The following UBA6 variants were observed in gnomAD, a reference collection of about 807,000 sequenced individuals.
UBA6 encodes ubiquitin-like modifier-activating enzyme 6.
UBA6 carries 87 observed loss-of-function variants against 148.3 expected under a neutral mutation model. That is an observed-to-expected ratio of 0.59 (90% confidence interval 0.49 to 0.70). UBA6 has a LOEUF of 0.70. Ranked by LOEUF, UBA6 falls within the 30% of genes least tolerant of loss-of-function variation. UBA6 has a pLI of 0.00. For synonymous variants in UBA6, 376 were observed against 401.0 expected (o/e 0.94, Z 0.75); for missense variants, 1,186 against 1,241.2 (o/e 0.96, Z 0.67).
intron 2 of UBA6, among the ~76,000 whole-genome samples, chr4:67,684,957 G>T (rs893723694): frequency 2.0e-5 from 3 of 152,104 alleles, no homozygotes; most frequent in African/African-American, 7.2e-5. Flanking sequence ...TAAGCACCTA[G>T]AATTAAGTAA....
chr4:67,678,350 A>T, intron 5 of UBA6, 89 bp downstream of exon 5: 5 of 745,064 alleles, frequency 6.7e-6, no homozygotes, highest in Non-Finnish European at 1.0e-5. Context: ...TATTTAAACA[A>T]CTATGACTGA....
In UBA6 at chr4:67,701,145, T is replaced by C; in HGVS notation, c.-26A>G. The C allele has an allele frequency of 3.7e-6, 6 of 1,609,004 alleles. No individual in the cohort carries two copies. Among genetic ancestry groups the C allele is most frequent in the Non-Finnish European group, 5.1e-6 (6 of 1,179,268 alleles). On this transcript the variant is annotated 5_prime_UTR_variant, in exon 1 of 33. Transcript: ENST00000322244. The stretch of plus-strand genomic sequence containing the variant: ...TGCCGCCTGAGACACCGCCGCCGGC[T>C]ACTGGAAGGTAGGAAGGGGCGGGAC...
At chr4:67,691,596 C>A (rs770336356) in intron 2 of UBA6, among the ~76,000 whole-genome samples, 4 of 152,132 alleles carry the variant, frequency 2.6e-5, no homozygotes, top group African/African-American at 9.7e-5. Context: ...GTTTAATGTG[C>A]AATACTGTAA....
At chr4:67,644,571 C>T in intron 17 of UBA6, 127 bp downstream of exon 17, 1 of 595,418 alleles carries the variant, frequency 1.7e-6, no homozygotes, top group Admixed American at 2.9e-5. Context: ...GCATGACAAT[C>T]TTCCAATTTT....
chr4:67,624,208 C>T lies in UBA6; in HGVS notation c.2758G>A (p.Ala920Thr), dbSNP rs763655253. 1.6e-5 allele frequency: 26 copies of T among 1,610,044 alleles called. 1 individual carries two copies. In the Middle Eastern group the frequency reaches 5.0e-4, roughly 31 times the overall value. ...IKVTGGYPFE[A>T]YKNCFLNLAI... is the part of the protein sequence containing the mutation. ...AAGTTAAGAAAACAATTTTTGTAAGCTTCAAATGGATAGCCACCAGTTACT... is the reference window on the plus strand; with the variant it reads ...AAGTTAAGAAAACAATTTTTGTAAGTTTCAAATGGATAGCCACCAGTTACT... The change falls in exon 30 of 33, where the codon GCT (alanine) becomes ACT (threonine). Residue 920 changes from alanine to threonine, a missense_variant. Coordinates refer to ENST00000322244, the MANE Select transcript of UBA6 (RefSeq NM_018227.6).
In UBA6 at chr4:67,615,375, C is replaced by T. The variant is rs917962477; in HGVS notation, c.*3622G>A. On this transcript the variant is annotated 3_prime_UTR_variant, in exon 33 of 33. Coordinates refer to ENST00000322244, the MANE Select transcript of UBA6 (RefSeq NM_018227.6). ...CAGGGATGCTGGTGCAATGTTTGTACAACCTGCTGAACCATGAGCCAAATA... is the reference window on the plus strand; with the variant it reads ...CAGGGATGCTGGTGCAATGTTTGTATAACCTGCTGAACCATGAGCCAAATA... The T allele has an allele frequency of 1.3e-5, 2 of 152,194 alleles. No individual in the cohort carries two copies. The highest frequency in any genetic ancestry group is 4.8e-5 in the African/African-American group (2 of 41,434). The allele number at this position is 152,194 out of a possible 1,614,324, so 9.4% of individuals were successfully genotyped here. A position where few individuals can be genotyped will look rare whatever the true frequency, so the allele number is the denominator to read the frequency against.
rs1393180589 is a variant in UBA6 at position 67,616,377 on chromosome 4, C to A, written c.*2620G>T. ...TTCATTTTACTAATTATAAAATAAA[C>A]ATAGTTGCTTTTTTAATGTTCCATG... is the stretch of plus-strand genomic sequence containing the variant. On this transcript the variant is annotated 3_prime_UTR_variant, in exon 33 of 33. Coordinates refer to ENST00000322244, the MANE Select transcript of UBA6 (RefSeq NM_018227.6). 5.8e-6 allele frequency: 2 copies of A among 345,814 alleles called. No homozygotes were observed. Among genetic ancestry groups the A allele is most frequent in the South Asian group, 1.5e-4 (1 of 6,578 alleles). 21.4% of individuals were successfully genotyped at this position (345,814 alleles called of 1,614,324 possible). A position where few individuals can be genotyped will look rare whatever the true frequency, so the allele number is the denominator to read the frequency against.
At chr4:67,650,676 C>T (rs1008122268) in intron 13 of UBA6, among the ~76,000 whole-genome samples, 5 of 152,046 alleles carry the variant, frequency 3.3e-5, no homozygotes, top group African/African-American at 9.7e-5. Flanking sequence ...GTTACAATCT[C>T]GGACAGAGAG....
At chr4:67,659,323 AT>A (rs1001357223) in intron 13 of UBA6, among the ~76,000 whole-genome samples, 1 of 152,134 alleles carries the variant, frequency 6.6e-6, no homozygotes, top group Non-Finnish European at 1.5e-5. Context: ...TTGAATTGTA[AT>A]CCCCATAATC....
At chr4:67,657,764 G>T (rs1313177416) in intron 13 of UBA6, among the ~76,000 whole-genome samples, 1 of 140,330 alleles carries the variant, frequency 7.1e-6, no homozygotes, top group Non-Finnish European at 1.5e-5. Flanking sequence ...GAAAATTTTT[G>T]CAATCTACCC....
At chr4:67,677,983 T>A (rs1577833221) in intron 5 of UBA6, among the ~76,000 whole-genome samples, 2 of 150,882 alleles carry the variant, frequency 1.3e-5, no homozygotes, top group African/African-American at 4.9e-5. Context: ...GCTCCTTAAC[T>A]TTCTTAATAA....
intron 11 of UBA6, 50 bp from the exon 12 acceptor site, chr4:67,663,265 C>G: frequency 8.1e-7 from 1 of 1,241,264 alleles, no homozygotes; most frequent in East Asian, 2.3e-5. Flanking sequence ...GGTTGTATGT[C>G]CCAGGCACTG....
At chr4:67,697,112 T>G (rs1203201672) in intron 1 of UBA6, among the ~76,000 whole-genome samples, 1 of 152,174 alleles carries the variant, frequency 6.6e-6, no homozygotes, top group East Asian at 1.9e-4. Context: ...TTCAGACGAT[T>G]TTCATGCCTC....
intron 2 of UBA6, 135 bp downstream of exon 2, chr4:67,696,510 T>A: frequency 1.7e-6 from 1 of 600,358 alleles, no homozygotes; most frequent in Non-Finnish European, 2.9e-6. Context: ...CACACATACA[T>A]ATATACATAC....
chr4:67,699,581 A>T (rs965073186), intron 1 of UBA6, among the ~76,000 whole-genome samples: 1 of 152,288 alleles, frequency 6.6e-6, no homozygotes, highest in African/African-American at 2.4e-5. Context: ...GTAACAAAAT[A>T]TAAAAATTAA....
At position 67,641,170 on chromosome 4, in the gene UBA6, A is replaced by C. The variant is rs756314229; in HGVS notation, c.1535T>G (p.Phe512Cys). ...ACATACCTGTATGTGATGAGGACGA[A>C]ATAGGAACTGTCTATTTAAGTTGGA... Reference protein sequence around the residue: ...EKSNLNRQFLFRPHHIQKPKS... With the variant: ...EKSNLNRQFLCRPHHIQKPKS... Residue 512 changes from phenylalanine (F) to cysteine (C), a missense_variant, in exon 18 of 33, where the codon TTT becomes TGT. Phe to Cys is a radical substitution (Grantham distance 205, BLOSUM62 -2). Transcript: ENST00000322244. 6.3e-7 allele frequency: 1 copy of C among 1,598,034 alleles called. No homozygotes were observed. Among genetic ancestry groups the C allele is most frequent in the Non-Finnish European group, 8.5e-7 (1 of 1,172,336 alleles).
intron 2 of UBA6, among the ~76,000 whole-genome samples, chr4:67,687,044 T>C (rs1242426047): frequency 1.4e-5 from 2 of 146,530 alleles, no homozygotes; most frequent in Admixed American, 1.4e-4. Flanking sequence ...GTTTTTTTTT[T>C]TTTTTTTTTG....
In UBA6 at chr4:67,646,746, C is replaced by T; in HGVS notation, c.1294G>A (p.Glu432Lys). ...TACCGTGGGAGAAATTCTTCACATT[C>T]AGGTTTGCCTAGTGATTCAACAATA... ...ADIVESLGKP[E>K]CEEFLPRGDR... Residue 432 changes from glutamate (E) to lysine (K), a missense_variant, in exon 15 of 33, where the codon GAA becomes AAA. Physicochemically the swap from Glu to Lys is moderately conservative, Grantham distance 56 (BLOSUM62 1). Coordinates refer to ENST00000322244, the MANE Select transcript of UBA6 (RefSeq NM_018227.6). 3 of 1,605,364 alleles carry T rather than the reference C, an allele frequency of 1.9e-6. No homozygotes were observed. Among genetic ancestry groups the T allele is most frequent in the Non-Finnish European group, 2.6e-6 (3 of 1,176,466 alleles).
chr4:67,657,125 C>G, intron 13 of UBA6, among the ~76,000 whole-genome samples: 1 of 152,150 alleles, frequency 6.6e-6, no homozygotes. Context: ...TTTATAGACT[C>G]AATGCCATCC....
Sources: gnomAD v4.1 joint callset for allele counts (sites outside exome capture counted in the v4.1 genomes callset) on GRCh38, gnomAD v4.1.1 for gene constraint, MANE v1.5 for transcripts, NCBI Gene and HGNC (gene_info 2026-07-23, HGNC 2026-07-21) for gene names.